The following TLN2 variants were observed in gnomAD, a reference collection of about 807,000 sequenced individuals.
TLN2 encodes talin 2.
TLN2 carries 118 observed loss-of-function variants against 294.7 expected under a neutral mutation model. That is an observed-to-expected ratio of 0.40 (90% CI 0.34 to 0.47). The LOEUF (loss-of-function observed/expected upper bound fraction) is 0.47. Ranked by LOEUF, TLN2 falls within the 20% of genes least tolerant of loss-of-function variation. TLN2 has a pLI of 0.84. For synonymous variants in TLN2, 1,431 were observed against 1,304.5 expected (o/e 1.10, Z -2.09); for missense variants, 3,083 against 3,282.2 (o/e 0.94, Z 1.48).
At chr15:62,575,087 C>T (rs1300095355) in intron 1 of TLN2, among the ~76,000 whole-genome samples, 1 of 152,054 alleles carries the variant, frequency 6.6e-6, no homozygotes, top group Non-Finnish European at 1.5e-5. Flanking sequence ...CTGAGGTGGG[C>T]AGATAGCTTG....
intron 50 of TLN2, among the ~76,000 whole-genome samples, chr15:62,805,289 C>T (rs1216585072): frequency 6.6e-6 from 1 of 152,110 alleles, no homozygotes; most frequent in African/African-American, 2.4e-5. Flanking sequence ...ATACAACAAC[C>T]TTTCACAGGA....
rs770775484 is a variant in TLN2, at chr15:62,708,493, T to G, written c.2173-9T>G. 5.0e-6 allele frequency: 8 copies of G among 1,609,692 alleles called. No individual in the cohort carries two copies. The Admixed American group carries it at 1.3e-4, about 27-fold the overall frequency. On this transcript the variant is annotated splice_polypyrimidine_tract_variant and intron_variant, in intron 20 of 58. Coordinates refer to ENST00000636159, the MANE Select transcript of TLN2 (RefSeq NM_015059.3). ...ACAGTGCCCAAAACCTGTTCCTGTC[T>G]CACTTCAGGTTGTGAGCCCCACTAT...
chr15:62,664,646 G>T (rs1360368382), intron 9 of TLN2, among the ~76,000 whole-genome samples: 1 of 151,816 alleles, frequency 6.6e-6, no homozygotes, highest in African/African-American at 2.4e-5. Context: ...ATCACCTGAG[G>T]TTGGGAGTTC....
chr15:62,607,740 T>C (rs1596326262), intron 2 of TLN2, among the ~76,000 whole-genome samples: 1 of 151,962 alleles, frequency 6.6e-6, no homozygotes, highest in East Asian at 1.9e-4. Context: ...CGCTCTTTTT[T>C]GTGTGTGTGT....
intron 11 of TLN2, among the ~76,000 whole-genome samples, chr15:62,682,161 C>T (rs2056893222): frequency 6.6e-6 from 1 of 152,218 alleles, no homozygotes; most frequent in African/African-American, 2.4e-5. Context: ...TCATGCTACT[C>T]AACTTTGCCC....
chr15:62,697,996 C>A, intron 15 of TLN2, 128 bp downstream of exon 15: 4 of 1,211,262 alleles, frequency 3.3e-6, no homozygotes, highest in Non-Finnish European at 4.5e-6. Flanking sequence ...ATGCCTCGTT[C>A]AGCTGTGCAT....
intron 42 of TLN2, among the ~76,000 whole-genome samples, chr15:62,774,561 C>T (rs2063567587): frequency 6.6e-6 from 1 of 151,926 alleles, no homozygotes; most frequent in South Asian, 2.1e-4. Context: ...AAGAAAAGGC[C>T]CTGGGTGAGG....
At chr15:62,496,924 T>G (rs1248620060) in intron 1 of TLN2, among the ~76,000 whole-genome samples, 1 of 152,194 alleles carries the variant, frequency 6.6e-6, no homozygotes, top group African/African-American at 2.4e-5. Flanking sequence ...CTTTATTGCA[T>G]GTACACAGGC....
chr15:62,519,617 G>A (rs1484545523), intron 1 of TLN2, among the ~76,000 whole-genome samples: 4 of 152,182 alleles, frequency 2.6e-5, no homozygotes, highest in African/African-American at 9.7e-5. Context: ...CTAGGATTAG[G>A]CTAGGAAGCA....
At chr15:62,408,909 C>T (rs1467381082) in intron 1 of TLN2, among the ~76,000 whole-genome samples, 1 of 152,056 alleles carries the variant, frequency 6.6e-6, no homozygotes, top group East Asian at 1.9e-4. Flanking sequence ...ATCCTCCTGC[C>T]TCGGCCTCCC....
intron 46 of TLN2, among the ~76,000 whole-genome samples, chr15:62,794,148 T>A (rs1346623525): frequency 6.6e-6 from 1 of 152,202 alleles, no homozygotes; most frequent in Non-Finnish European, 1.5e-5. Context: ...TTTGTAGGCA[T>A]GGCCAAGCAG....
intron 45 of TLN2, among the ~76,000 whole-genome samples, chr15:62,788,131 C>T (rs970618209): frequency 1.1e-4 from 17 of 151,454 alleles, no homozygotes; most frequent in East Asian, 4.0e-4. Flanking sequence ...GGCAACATGG[C>T]GAAACCCTGT....
chr15:62,700,833 C>A (rs547033958), intron 16 of TLN2, among the ~76,000 whole-genome samples: 1 of 152,128 alleles, frequency 6.6e-6, no homozygotes, highest in South Asian at 2.1e-4. Context: ...AATAAGGCCA[C>A]GTGGAATTTT....
chr15:62,577,528 T>C (rs745834220), intron 1 of TLN2, among the ~76,000 whole-genome samples: 3 of 152,182 alleles, frequency 2.0e-5, no homozygotes, highest in Non-Finnish European at 4.4e-5. Flanking sequence ...GAATCTGATA[T>C]ATGATACTTG....
At position 62,404,245 on chromosome 15, in the gene TLN2, A is replaced by G. The variant is rs79646676; in HGVS notation, c.-238+13560A>G. Among the ~76,000 whole-genome samples the G allele has an allele frequency of 1.9e-3, 285 of 152,346 alleles. 7 individuals carry two copies. The East Asian group carries it at 0.051, about 27-fold the overall frequency. ...GTTGAGTGGTAGAAGGCACCTGCAG[A>G]GGACAGCTGGATGGAGACAAATGGT... On this transcript the variant is annotated intron_variant, in intron 1 of 58. Transcript: ENST00000636159.
At chr15:62,820,190 G>A (rs377492579) in intron 53 of TLN2, among the ~76,000 whole-genome samples, 1 of 152,160 alleles carries the variant, frequency 6.6e-6, no homozygotes. Flanking sequence ...TGAGCTTTAA[G>A]TTCAAAGTCA....
intron 1 of TLN2, among the ~76,000 whole-genome samples, chr15:62,544,397 C>T (rs763191445): frequency 6.6e-6 from 1 of 152,140 alleles, no homozygotes; most frequent in Non-Finnish European, 1.5e-5. Flanking sequence ...TTCTGTGGGA[C>T]TTTTCCAAAA....
At chr15:62,755,184 C>T (rs1347830514) in intron 36 of TLN2, 1 of 182,008 alleles carries the variant, frequency 5.5e-6, no homozygotes, top group African/African-American at 2.3e-5. Flanking sequence ...TGCCAGAAAA[C>T]TTAAAATTGG....
chr15:62,771,376 A>G (rs552882657), intron 42 of TLN2, among the ~76,000 whole-genome samples: 12 of 152,352 alleles, frequency 7.9e-5, no homozygotes, highest in African/African-American at 2.6e-4. Context: ...TTGGGGAAGA[A>G]AAATGTATGG....
Sources: gnomAD v4.1 joint callset for allele counts (sites outside exome capture counted in the v4.1 genomes callset) on GRCh38, gnomAD v4.1.1 for gene constraint, MANE v1.5 for transcripts, NCBI Gene and HGNC (gene_info 2026-07-23, HGNC 2026-07-21) for gene names.